Variants in CCSER1 observed in about 807,000 individuals in gnomAD.
CCSER1 encodes serine-rich coiled-coil domain-containing protein 1.
A neutral mutation model predicts 82.0 loss-of-function variants in CCSER1; 41 were observed. That is an observed-to-expected ratio of 0.50 (90% CI 0.39 to 0.65). The LOEUF (loss-of-function observed/expected upper bound fraction) is 0.65. Among genes scored for constraint, CCSER1 ranks in the 30% least tolerant of loss-of-function variants. CCSER1 has a pLI of 0.00. For synonymous variants in CCSER1, 414 were observed against 383.9 expected, an observed-to-expected ratio of 1.08 and a Z score of -0.92; for missense variants, 1,119 against 1,064.2, an observed-to-expected ratio of 1.05 and a Z score of -0.72.
chr4:90,759,422 G>A (rs575066281), intron 7 of CCSER1, among the ~76,000 whole-genome samples: 1 of 152,120 alleles, frequency 6.6e-6, no homozygotes, highest in Admixed American at 6.6e-5. Flanking sequence ...AAATAAAACG[G>A]GATTAAGAAG....
At chr4:90,494,674 A>T (rs943853149) in intron 5 of CCSER1, among the ~76,000 whole-genome samples, 1 of 152,186 alleles carries the variant, frequency 6.6e-6, no homozygotes, top group Non-Finnish European at 1.5e-5. Context: ...AATGTCTGCA[A>T]CGTATCTGGT....
intron 10 of CCSER1, 60 bp from the exon 11 acceptor site, chr4:91,598,512 G>T (rs1764687286): frequency 6.9e-7 from 1 of 1,457,902 alleles, no homozygotes; most frequent in Non-Finnish European, 9.1e-7. Context: ...ACTCTGTATT[G>T]TATGTATGCT....
At chr4:91,078,117 G>C (rs565306628) in intron 9 of CCSER1, among the ~76,000 whole-genome samples, 1 of 152,172 alleles carries the variant, frequency 6.6e-6, no homozygotes, top group Non-Finnish European at 1.5e-5. Flanking sequence ...ACAGAGTTTG[G>C]GATCTGAGAA....
intron 3 of CCSER1, among the ~76,000 whole-genome samples, chr4:90,319,731 T>A (rs1013258635): frequency 6.6e-6 from 1 of 152,226 alleles, no homozygotes; most frequent in Admixed American, 6.5e-5. Flanking sequence ...CTTTCCAGTA[T>A]GTAAAAATGT....
At chr4:90,370,574 A>G (rs576813742) in intron 3 of CCSER1, 5 of 152,078 alleles carry the variant, frequency 3.3e-5, no homozygotes, top group East Asian at 1.9e-4. Flanking sequence ...CTTGTTTTGT[A>G]TGTCTTCTTT....
intron 3 of CCSER1, among the ~76,000 whole-genome samples, chr4:90,337,061 G>A (rs1001238294): frequency 2.0e-5 from 3 of 152,130 alleles, no homozygotes; most frequent in African/African-American, 4.8e-5. Flanking sequence ...GAATCAATAA[G>A]GCCTGAATAT....
At chr4:91,562,241 TTGAAG>T (rs1351036613) in intron 10 of CCSER1, among the ~76,000 whole-genome samples, 1 of 151,608 alleles carries the variant, frequency 6.6e-6, no homozygotes, top group Non-Finnish European at 1.5e-5. Context: ...ATGAGACATA[TTGAAG>T]TGTTTTTTTT....
intron 6 of CCSER1, among the ~76,000 whole-genome samples, chr4:90,634,089 T>G (rs962485418): frequency 6.6e-6 from 1 of 151,754 alleles, no homozygotes; most frequent in Non-Finnish European, 1.5e-5. Context: ...AAGAAAATGT[T>G]TAATATCTAC....
chr4:90,869,036 C>G (rs979252611), intron 8 of CCSER1, among the ~76,000 whole-genome samples: 2 of 151,874 alleles, frequency 1.3e-5, no homozygotes, highest in Non-Finnish European at 2.9e-5. Flanking sequence ...ATCCTTTGCC[C>G]ATGTTTAATT....
intron 5 of CCSER1, among the ~76,000 whole-genome samples, chr4:90,506,359 T>C (rs1770681399): frequency 6.6e-6 from 1 of 152,108 alleles, no homozygotes; most frequent in Non-Finnish European, 1.5e-5. Context: ...AAATATAAAA[T>C]ATGCATATGT....
At chr4:91,568,483 C>T (rs1763004096) in intron 10 of CCSER1, among the ~76,000 whole-genome samples, 1 of 152,108 alleles carries the variant, frequency 6.6e-6, no homozygotes, top group African/African-American at 2.4e-5. Flanking sequence ...TCTGGGAAGC[C>T]AGTGATTCAT....
chr4:90,789,180 G>A (rs148397506), intron 7 of CCSER1, among the ~76,000 whole-genome samples: 24 of 152,178 alleles, frequency 1.6e-4, no homozygotes, highest in African/African-American at 4.8e-4. Context: ...ACACCATCCA[G>A]AGCAGCTTTG....
intron 10 of CCSER1, among the ~76,000 whole-genome samples, chr4:91,449,357 C>A (rs1755749194): frequency 6.6e-6 from 1 of 151,886 alleles, no homozygotes; most frequent in Admixed American, 6.6e-5. Context: ...AGGTTGACAC[C>A]TAATTTTGAA....
rs945792201 is a variant in CCSER1 at position 91,601,880 on chromosome 4, C to A, written c.*2823C>A. 6.6e-6 allele frequency: 1 copy of A among 151,980 alleles called. No homozygotes were observed. Among genetic ancestry groups the A allele is most frequent in the Non-Finnish European group, 1.5e-5 (1 of 67,932 alleles). The allele number at this position is 151,980 out of a possible 1,614,324, so 9.4% of individuals were successfully genotyped here. A position where few individuals can be genotyped will look rare whatever the true frequency, so the allele number is the denominator to read the frequency against. ...CTGTTTCCACCTGAAATAAACTGTT[C>A]CCATTTTTATAATTATTGGAACATG... On this transcript the variant is annotated 3_prime_UTR_variant, in exon 11 of 11. Transcript: ENST00000509176.
At chr4:90,791,172 C>A (rs1241420174) in intron 7 of CCSER1, among the ~76,000 whole-genome samples, 1 of 152,106 alleles carries the variant, frequency 6.6e-6, no homozygotes, top group Non-Finnish European at 1.5e-5. Context: ...GACTTACTAT[C>A]ATGAGGCTAC....
At chr4:91,550,462 T>C (rs910971825) in intron 10 of CCSER1, among the ~76,000 whole-genome samples, 2 of 152,196 alleles carry the variant, frequency 1.3e-5, no homozygotes, top group East Asian at 1.9e-4. Flanking sequence ...TGTATCTGCC[T>C]ATCTGTCTTT....
intron 10 of CCSER1, among the ~76,000 whole-genome samples, chr4:91,292,889 C>T (rs1743862846): frequency 6.6e-6 from 1 of 151,894 alleles, no homozygotes; most frequent in African/African-American, 2.4e-5. Flanking sequence ...ATATGTACCC[C>T]TCTCATTATG....
At chr4:90,749,561 C>T (rs1427204767) in intron 7 of CCSER1, among the ~76,000 whole-genome samples, 1 of 151,984 alleles carries the variant, frequency 6.6e-6, no homozygotes, top group East Asian at 1.9e-4. Flanking sequence ...GTAGTTTTTT[C>T]CAATTCTGTG....
At chr4:90,341,527 A>G (rs1008874689) in intron 3 of CCSER1, among the ~76,000 whole-genome samples, 2 of 152,106 alleles carry the variant, frequency 1.3e-5, no homozygotes, top group African/African-American at 4.8e-5. Flanking sequence ...AAATACTCCA[A>G]ATATTATACT....
Sources: gnomAD v4.1 joint callset for allele counts (sites outside exome capture counted in the v4.1 genomes callset) on GRCh38, gnomAD v4.1.1 for gene constraint, MANE v1.5 for transcripts, NCBI Gene and HGNC (gene_info 2026-07-23, HGNC 2026-07-21) for gene names.